Variants in LAMC1 observed in about 807,000 individuals in gnomAD.
LAMC1 encodes laminin subunit gamma 1.
Under a neutral mutation model 173.6 loss-of-function variants are expected in LAMC1, and 38 were observed. The ratio of observed to expected loss-of-function variants is 0.22; its 90% confidence interval spans 0.17 to 0.29. The LOEUF is 0.29. Among genes scored for constraint, LAMC1 ranks in the 10% least tolerant of loss-of-function variants. LAMC1 has a pLI of 1.00. For synonymous variants in LAMC1, 746 were observed against 749.1 expected (o/e 1.00, Z 0.07); for missense variants, 1,824 against 2,051.8 (o/e 0.89, Z 2.14).
Position 183,145,442 on chromosome 1 carries a change from C to T in LAMC1, c.*2652C>T, listed in dbSNP as rs981351188. 2 of 152,456 alleles carry T rather than the reference C, an allele frequency of 1.3e-5. No individual in the cohort carries two copies. The highest frequency in any genetic ancestry group is 2.9e-5 in the Non-Finnish European group (2 of 68,004). The allele number at this position is 152,456 out of a possible 1,614,324, so 9.4% of individuals were successfully genotyped here. On this transcript the variant is annotated 3_prime_UTR_variant, in exon 28 of 28. Coordinates refer to ENST00000258341, the MANE Select transcript of LAMC1 (RefSeq NM_002293.4). ...TTTCCTTTGAATTCCAACTGTGGAC[C>T]TTTTATATGTGCCTTCACTTTAGCT...
At position 183,125,774 on chromosome 1, in the gene LAMC1, T is replaced by G. The variant is rs557877279; in HGVS notation, c.2801+224T>G. On this transcript the variant is annotated intron_variant, in intron 15 of 27. Coordinates refer to ENST00000258341, the MANE Select transcript of LAMC1 (RefSeq NM_002293.4). ...GTGCCAGAATCACCTGAGCAACCTT[T>G]TAAAAGCACAAATTGCCGGGTCCTT... Among the ~76,000 whole-genome samples, 6 of 152,258 alleles carry G rather than the reference T, an allele frequency of 3.9e-5. No homozygotes were observed. The East Asian group carries it at 9.7e-4, about 25-fold the overall frequency.
At chr1:183,057,717 C>T (rs559358110) in intron 1 of LAMC1, among the ~76,000 whole-genome samples, 13 of 152,112 alleles carry the variant, frequency 8.5e-5, no homozygotes, top group Middle Eastern at 3.4e-3. Flanking sequence ...GATCACACCA[C>T]TCCACTCCAG....
chr1:183,099,398 A>G (rs1399903003), intron 1 of LAMC1, among the ~76,000 whole-genome samples: 2 of 152,006 alleles, frequency 1.3e-5, no homozygotes, highest in African/African-American at 2.4e-5. Context: ...CCCATTCTCA[A>G]TTCCAACCAC....
intron 2 of LAMC1, among the ~76,000 whole-genome samples, chr1:183,103,847 C>T (rs1057243641): frequency 3.3e-5 from 5 of 152,144 alleles, no homozygotes; most frequent in Non-Finnish European, 7.4e-5. Flanking sequence ...GATGTTTGTT[C>T]TTATGCACTT....
intron 18 of LAMC1, 82 bp from the exon 19 acceptor site, chr1:183,130,262 A>T (rs1015372877): frequency 7.3e-6 from 9 of 1,232,902 alleles, no homozygotes; most frequent in Non-Finnish European, 1.1e-5. Flanking sequence ...AAGAGTAGAG[A>T]TACATAGGGC....
At chr1:183,033,633 C>G (rs919545090) in intron 1 of LAMC1, among the ~76,000 whole-genome samples, 1 of 152,162 alleles carries the variant, frequency 6.6e-6, no homozygotes, top group Non-Finnish European at 1.5e-5. Context: ...ATGGCTTTCT[C>G]TTATTGAGCC....
At chr1:183,095,649 AGT>A (rs1449873804) in intron 1 of LAMC1, among the ~76,000 whole-genome samples, 2 of 152,182 alleles carry the variant, frequency 1.3e-5, no homozygotes, top group South Asian at 2.1e-4. Context: ...AGCTTACACG[AGT>A]GGGGGTGAAT....
intron 1 of LAMC1, among the ~76,000 whole-genome samples, chr1:183,045,378 T>C (rs1490034248): frequency 6.6e-6 from 1 of 152,110 alleles, no homozygotes; most frequent in African/African-American, 2.4e-5. Flanking sequence ...TTTAGTCTTT[T>C]GCTTTTAAAA....
In LAMC1 at chr1:183,048,727, A is replaced by T. The variant is rs1187441015; in HGVS notation, c.418+24593A>T. On this transcript the variant is annotated intron_variant, in intron 1 of 27. Coordinates refer to ENST00000258341, the MANE Select transcript of LAMC1 (RefSeq NM_002293.4). ...GGGATGGTAAAGGAGAAGCATTTTA[A>T]AATATTTGTTATAGTATTGGGGACA... 3.3e-5 allele frequency among the ~76,000 whole-genome samples: 5 copies of T among 152,290 alleles called. No homozygotes were observed. The South Asian group carries it at 1.0e-3, about 32-fold the overall frequency.
chr1:183,023,556 C>A lies in LAMC1; in HGVS notation c.-161C>A, dbSNP rs1235518686. ...GCGGTCCTCGCTAGGGGCGCCCACC[C>A]GTCAGTCTCTCCGGCGCGAGCCGCC... On this transcript the variant is annotated 5_prime_UTR_variant, in exon 1 of 28. Transcript: ENST00000258341. 5.4e-6 allele frequency: 2 copies of A among 373,024 alleles called. No homozygotes were observed. The highest frequency in any genetic ancestry group is 7.4e-5 in the East Asian group (1 of 13,598). 23.1% of individuals were successfully genotyped at this position (373,024 alleles called of 1,614,324 possible). A position where few individuals can be genotyped will look rare whatever the true frequency, so the allele number is the denominator to read the frequency against.
chr1:183,056,630 C>T (rs114577175), intron 1 of LAMC1, among the ~76,000 whole-genome samples: 202 of 152,274 alleles, frequency 1.3e-3, no homozygotes, highest in African/African-American at 4.8e-3. Flanking sequence ...AAAGGGACCT[C>T]GTAGACCTTG....
At chr1:183,142,462 T>G in intron 27 of LAMC1, 72 bp from the exon 28 acceptor site, 1 of 1,470,106 alleles carries the variant, frequency 6.8e-7, no homozygotes. Flanking sequence ...TAGAGTCTAG[T>G]GCAGGTACTT....
Position 183,142,825 on chromosome 1 carries a change from AGG to A in LAMC1, c.*40_*41del. ...GGCTGGAAGGCAGCATCCCTCTGAC[AGG>A]GGGGCAGTTGTGAGGCCACAGAGTG... On this transcript the variant is annotated 3_prime_UTR_variant, in exon 28 of 28. Coordinates refer to ENST00000258341, the MANE Select transcript of LAMC1 (RefSeq NM_002293.4). The A allele has an allele frequency of 6.5e-7, 1 of 1,537,136 alleles. No individual in the cohort carries two copies. Among genetic ancestry groups the A allele is most frequent in the Non-Finnish European group, 8.8e-7 (1 of 1,140,020 alleles).
intron 1 of LAMC1, among the ~76,000 whole-genome samples, chr1:183,051,682 G>A (rs532536190): frequency 5.7e-4 from 86 of 152,174 alleles, no homozygotes; most frequent in Non-Finnish European, 7.5e-4. Flanking sequence ...TTCCTGGAAT[G>A]GTTGCTTAGA....
chr1:183,049,607 G>T (rs1654358927), intron 1 of LAMC1, among the ~76,000 whole-genome samples: 1 of 151,962 alleles, frequency 6.6e-6, no homozygotes, highest in Non-Finnish European at 1.5e-5. Flanking sequence ...GGGATTACAG[G>T]CATGTGCCAC....
intron 1 of LAMC1, among the ~76,000 whole-genome samples, chr1:183,038,262 C>G (rs1654035531): frequency 6.6e-6 from 1 of 152,152 alleles, no homozygotes; most frequent in South Asian, 2.1e-4. Flanking sequence ...TCTCGAACTC[C>G]TGACCTCAGG....
chr1:183,052,030 G>A (rs752195695), intron 1 of LAMC1, among the ~76,000 whole-genome samples: 16 of 152,004 alleles, frequency 1.1e-4, no homozygotes, highest in Non-Finnish European at 2.1e-4. Flanking sequence ...TCCTTTCATT[G>A]GTTTCTGCTT....
intron 24 of LAMC1, among the ~76,000 whole-genome samples, chr1:183,135,698 A>G (rs972618773): frequency 6.6e-6 from 1 of 152,070 alleles, no homozygotes; most frequent in South Asian, 2.1e-4. Flanking sequence ...ACTGGGGAAT[A>G]TAGTGAGACC....
chr1:183,116,926 A>T, intron 8 of LAMC1, 23 bp downstream of exon 8: 1 of 1,588,680 alleles, frequency 6.3e-7, no homozygotes, highest in South Asian at 1.1e-5. Context: ...TCATCCCCCA[A>T]CCTGTTAGAA....
Sources: allele counts gnomAD v4.1 joint callset (sites outside exome capture counted in the v4.1 genomes callset), GRCh38; gene constraint gnomAD v4.1.1; transcripts MANE v1.5; gene names NCBI Gene and HGNC (gene_info 2026-07-23, HGNC 2026-07-21).